Variants in NELL1 observed in about 807,000 individuals in gnomAD.
NELL1 encodes protein kinase C-binding protein NELL1.
Under a neutral mutation model 107.4 loss-of-function variants are expected in NELL1, and 76 were observed. That is an observed-to-expected ratio of 0.71 (90% CI 0.59 to 0.86). The LOEUF is 0.86. Among genes scored for constraint, NELL1 ranks in the 40% least tolerant of loss-of-function variants. NELL1 has a pLI of 0.00. For synonymous variants in NELL1, 353 were observed against 341.2 expected (o/e 1.03, Z -0.38); for missense variants, 1,024 against 1,005.5 (o/e 1.02, Z -0.25).
chr11:21,334,416 A>T (rs549005730), intron 14 of NELL1, among the ~76,000 whole-genome samples: 1 of 152,120 alleles, frequency 6.6e-6, no homozygotes, highest in East Asian at 1.9e-4. Flanking sequence ...GCCCTTACGA[A>T]AACAGGCCAC....
intron 5 of NELL1, among the ~76,000 whole-genome samples, chr11:20,897,988 C>T (rs759019775): frequency 4.6e-5 from 7 of 152,186 alleles, no homozygotes; most frequent in Non-Finnish European, 1.0e-4. Flanking sequence ...TAAACTAGTT[C>T]AGCCATTGTG....
intron 1 of NELL1, among the ~76,000 whole-genome samples, chr11:20,673,737 A>G (rs1340657612): frequency 1.3e-5 from 2 of 152,134 alleles, no homozygotes; most frequent in Non-Finnish European, 2.9e-5. Context: ...GTAATTCCCA[A>G]TTTTAGCCAT....
At chr11:20,826,934 T>C (rs1857897675) in intron 3 of NELL1, among the ~76,000 whole-genome samples, 1 of 151,230 alleles carries the variant, frequency 6.6e-6, no homozygotes, top group African/African-American at 2.4e-5. Flanking sequence ...GTTAATTGTT[T>C]TCGATATGCG....
intron 14 of NELL1, among the ~76,000 whole-genome samples, chr11:21,277,202 G>GA (rs1279939210): frequency 1.3e-5 from 2 of 151,906 alleles, no homozygotes; most frequent in Non-Finnish European, 2.9e-5. Context: ...AAATCTACAA[G>GA]AAAAAAACAA....
chr11:20,725,009 C>T (rs1169924050), intron 2 of NELL1, among the ~76,000 whole-genome samples: 3 of 152,186 alleles, frequency 2.0e-5, no homozygotes, highest in African/African-American at 7.2e-5. Context: ...TGAGGAAGTG[C>T]CACACTTTAA....
intron 12 of NELL1, among the ~76,000 whole-genome samples, chr11:21,041,210 A>G (rs918392678): frequency 2.0e-5 from 3 of 152,180 alleles, no homozygotes; most frequent in South Asian, 4.1e-4. Flanking sequence ...GTATCACTGC[A>G]TGACTCTCAG....
At chr11:21,543,136 C>T (rs1343338289) in intron 16 of NELL1, among the ~76,000 whole-genome samples, 4 of 151,942 alleles carry the variant, frequency 2.6e-5, no homozygotes, top group African/African-American at 9.7e-5. Flanking sequence ...TCTCTCTATG[C>T]TAAACAATAA....
At chr11:21,550,362 A>G (rs939244992) in intron 16 of NELL1, among the ~76,000 whole-genome samples, 83 of 152,024 alleles carry the variant, frequency 5.5e-4, no homozygotes, top group African/African-American at 1.9e-3. Context: ...CCGTTTGTCA[A>G]TTTTGGCTTT....
chr11:20,724,968 C>T (rs1254834001), intron 2 of NELL1, among the ~76,000 whole-genome samples: 1 of 152,170 alleles, frequency 6.6e-6, no homozygotes, highest in Non-Finnish European at 1.5e-5. Flanking sequence ...AAGCAAGGCA[C>T]GTCTTACATG....
At chr11:20,860,232 C>T (rs1010309000) in intron 4 of NELL1, among the ~76,000 whole-genome samples, 3 of 152,190 alleles carry the variant, frequency 2.0e-5, no homozygotes, top group Non-Finnish European at 4.4e-5. Flanking sequence ...ATAGTGTTTG[C>T]TTTTCAACAC....
At chr11:20,845,953 T>C (rs1428189937) in intron 3 of NELL1, among the ~76,000 whole-genome samples, 1 of 152,208 alleles carries the variant, frequency 6.6e-6, no homozygotes, top group African/African-American at 2.4e-5. Context: ...CTGTAACATC[T>C]TCTTGACCTC....
intron 16 of NELL1, among the ~76,000 whole-genome samples, chr11:21,556,016 C>T (rs1856695698): frequency 6.6e-6 from 1 of 151,930 alleles, no homozygotes; most frequent in African/African-American, 2.4e-5. Flanking sequence ...CAAGTTACAT[C>T]AGACTTCAGA....
At position 21,167,005 on chromosome 11, in the gene NELL1, T is replaced by A. The variant is rs530802490; in HGVS notation, c.1426+53291T>A. 3.9e-5 allele frequency among the ~76,000 whole-genome samples: 6 copies of A among 152,034 alleles called. No homozygotes were observed. In the South Asian group the frequency reaches 1.0e-3, roughly 26 times the overall value. On this transcript the variant is annotated intron_variant, in intron 13 of 19. Coordinates refer to ENST00000357134, the MANE Select transcript of NELL1 (RefSeq NM_006157.5). Reference sequence around the variant, plus strand: ...TGTATATTTATTAGGGTTCTTTATATACTGAGTAACAGGAAAGAACTCAAG... The same window carrying A: ...TGTATATTTATTAGGGTTCTTTATAAACTGAGTAACAGGAAAGAACTCAAG...
chr11:20,719,413 A>G (rs1438045075), intron 2 of NELL1, among the ~76,000 whole-genome samples: 2 of 82,196 alleles, frequency 2.4e-5, no homozygotes, highest in Admixed American at 3.3e-4. Flanking sequence ...TAAATATACT[A>G]TTAAAAACAC....
At chr11:21,259,205 C>A (rs1475299231) in intron 14 of NELL1, among the ~76,000 whole-genome samples, 1 of 151,840 alleles carries the variant, frequency 6.6e-6, no homozygotes, top group Non-Finnish European at 1.5e-5. Context: ...GAATGAGACA[C>A]CATCTCCACC....
chr11:20,884,531 A>C (rs919818139), intron 4 of NELL1, among the ~76,000 whole-genome samples: 2 of 152,166 alleles, frequency 1.3e-5, no homozygotes, highest in Non-Finnish European at 2.9e-5. Flanking sequence ...GTGAGGTTGG[A>C]AGCTCGTGAT....
intron 13 of NELL1, among the ~76,000 whole-genome samples, chr11:21,197,756 T>C (rs1857186219): frequency 6.6e-6 from 1 of 152,156 alleles, no homozygotes; most frequent in South Asian, 2.1e-4. Context: ...TGGGAGACTG[T>C]CTCAGAGGAA....
intron 15 of NELL1, among the ~76,000 whole-genome samples, chr11:21,495,157 C>T (rs1854943923): frequency 6.6e-6 from 1 of 152,150 alleles, no homozygotes. Flanking sequence ...AGCAATCACT[C>T]CGCGTAATCC....
intron 13 of NELL1, among the ~76,000 whole-genome samples, chr11:21,152,802 T>C (rs887434612): frequency 6.6e-6 from 1 of 152,210 alleles, no homozygotes; most frequent in Non-Finnish European, 1.5e-5. Flanking sequence ...AGGATGGAGA[T>C]ACTTCATCTT....
Sources: gnomAD v4.1 joint callset for allele counts (sites outside exome capture counted in the v4.1 genomes callset) on GRCh38, gnomAD v4.1.1 for gene constraint, MANE v1.5 for transcripts, NCBI Gene and HGNC (gene_info 2026-07-23, HGNC 2026-07-21) for gene names.